USP12: variants seen among roughly 807,000 people sequenced by gnomAD.
USP12 encodes the protein ubiquitin carboxyl-terminal hydrolase 12.
USP12 carries 19 observed loss-of-function variants against 45.5 expected under a neutral mutation model. The ratio of observed to expected loss-of-function variants is 0.42; its 90% confidence interval spans 0.29 to 0.61. The LOEUF (loss-of-function observed/expected upper bound fraction) is 0.61. Ranked by LOEUF, USP12 falls within the 20% of genes least tolerant of loss-of-function variation. USP12 has a pLI of 0.22. For synonymous variants in USP12, 149 were observed against 148.8 expected (o/e 1.00, Z -0.01); for missense variants, 242 against 447.7 (o/e 0.54, Z 4.15).
intron 1 of USP12, among the ~76,000 whole-genome samples, chr13:27,139,697 C>T (rs1876971095): frequency 6.6e-6 from 1 of 152,168 alleles, no homozygotes; most frequent in Non-Finnish European, 1.5e-5. Context: ...ACATGCAAGT[C>T]CCACCCTAAA....
At chr13:27,071,209 C>A in intron 7 of USP12, 60 bp from the exon 8 acceptor site, 1 of 1,441,356 alleles carries the variant, frequency 6.9e-7, no homozygotes, top group South Asian at 1.4e-5. Flanking sequence ...CTTTCATGCT[C>A]TAAATTTTGT....
chr13:27,094,328 ACT>A (rs753958923), intron 4 of USP12, among the ~76,000 whole-genome samples: 2 of 152,058 alleles, frequency 1.3e-5, no homozygotes, highest in Non-Finnish European at 2.9e-5. Context: ...ACACAGCAAG[ACT>A]CTGTCTCAAA....
intron 6 of USP12, among the ~76,000 whole-genome samples, chr13:27,089,007 A>ACAACTC (rs151131851): frequency 0.047 from 7,120 of 152,272 alleles, 186 homozygotes; most frequent in Admixed American, 0.076. Flanking sequence ...GGAAAACGAG[A>ACAACTC]CAAACTCCAA....
intron 6 of USP12, among the ~76,000 whole-genome samples, chr13:27,084,169 TACACACAC>T (rs374948699): frequency 0.088 from 12,581 of 142,380 alleles, 609 homozygotes; most frequent in African/African-American, 0.097. Flanking sequence ...CATGTTTGCA[TACACACAC>T]ACACACACAC....
At chr13:27,076,029 C>CAAAAAAAAAAAAAAAAAAA (rs11458818) in intron 6 of USP12, among the ~76,000 whole-genome samples, 188 of 97,780 alleles carry the variant, frequency 1.9e-3, no homozygotes, top group Non-Finnish European at 2.5e-3. Flanking sequence ...GGCTCCGTCT[C>CAAAAAAAAAAAAAAAAAAA]AAAAAAAAAA....
chr13:27,104,510 T>TA (rs941426352), intron 3 of USP12, among the ~76,000 whole-genome samples: 2 of 152,152 alleles, frequency 1.3e-5, no homozygotes, highest in African/African-American at 2.4e-5. Context: ...TTTGATTTTC[T>TA]AAAAAAACAA....
chr13:27,094,390 A>G (rs1350381753), intron 4 of USP12, among the ~76,000 whole-genome samples: 1 of 152,062 alleles, frequency 6.6e-6, no homozygotes, highest in African/African-American at 2.4e-5. Context: ...AGTCCTAGTT[A>G]CTCAGAAGGC....
At chr13:27,088,243 C>T (rs1466363534) in intron 6 of USP12, among the ~76,000 whole-genome samples, 5 of 151,976 alleles carry the variant, frequency 3.3e-5, no homozygotes, top group African/African-American at 4.8e-5. Context: ...AGTGAAACCC[C>T]GTCTCTACTA....
intron 1 of USP12, among the ~76,000 whole-genome samples, chr13:27,157,520 T>C (rs1877895208): frequency 6.6e-6 from 1 of 152,144 alleles, no homozygotes; most frequent in Non-Finnish European, 1.5e-5. Flanking sequence ...TAACAACATA[T>C]ACATGCCTTT....
intron 2 of USP12, among the ~76,000 whole-genome samples, chr13:27,115,767 T>C (rs1322897694): frequency 1.3e-5 from 2 of 152,216 alleles, no homozygotes; most frequent in Non-Finnish European, 2.9e-5. Context: ...TTCACACTTT[T>C]ATATCTCTAG....
chr13:27,120,198 T>C (rs1416808543), intron 1 of USP12, among the ~76,000 whole-genome samples: 1 of 152,200 alleles, frequency 6.6e-6, no homozygotes, highest in Admixed American at 6.5e-5. Flanking sequence ...AATGGTCACA[T>C]AATCACCCAA....
intron 1 of USP12, among the ~76,000 whole-genome samples, chr13:27,161,298 T>C (rs746345738): frequency 4.1e-4 from 63 of 152,222 alleles, no homozygotes; most frequent in Admixed American, 2.2e-3. Flanking sequence ...GATAATCACA[T>C]ACAAAGCAGA....
intron 6 of USP12, among the ~76,000 whole-genome samples, chr13:27,079,444 C>T (rs1004604350): frequency 1.3e-5 from 2 of 152,100 alleles, no homozygotes; most frequent in Non-Finnish European, 2.9e-5. Context: ...CTCCCTTCTC[C>T]AGTAGCCCAA....
At chr13:27,169,461 A>G (rs1265763038) in intron 1 of USP12, among the ~76,000 whole-genome samples, 1 of 152,176 alleles carries the variant, frequency 6.6e-6, no homozygotes, top group East Asian at 1.9e-4. Flanking sequence ...AAGACTGCAA[A>G]TTACTTTGAG....
chr13:27,093,342 T>G (rs1238911189), intron 4 of USP12, among the ~76,000 whole-genome samples: 2 of 147,080 alleles, frequency 1.4e-5, no homozygotes, highest in Non-Finnish European at 3.0e-5. Flanking sequence ...TCGACAATAC[T>G]CAAAGAAAAA....
At chr13:27,070,510 T>C (rs562278535) in intron 8 of USP12, among the ~76,000 whole-genome samples, 4 of 152,244 alleles carry the variant, frequency 2.6e-5, no homozygotes, top group African/African-American at 9.6e-5. Flanking sequence ...CTTAATTTTT[T>C]TTTTTTAAAG....
In USP12 at chr13:27,097,398, G is replaced by C. The variant is rs3002289; in HGVS notation, c.344-1568C>G. Among the ~76,000 whole-genome samples the C allele has an allele frequency of 7.9e-3, 1,205 of 152,326 alleles. 18 individuals are homozygous for C. Among genetic ancestry groups the C allele is most frequent in the African/African-American group, 0.028 (1,164 of 41,572 alleles). On this transcript the variant is annotated intron_variant, in intron 3 of 8. Transcript: ENST00000282344. ...AAGAATCGCTTGAACCCGGGAGGTA[G>C]AGGTTGCAGTGAGCCGAGATTGCGC...
intron 2 of USP12, among the ~76,000 whole-genome samples, chr13:27,111,296 GACCTAAA>G (rs921530210): frequency 1.3e-5 from 2 of 152,060 alleles, no homozygotes; most frequent in African/African-American, 4.8e-5. Context: ...AAGGTCCTAA[GACCTAAA>G]AATTATCTTT....
intron 1 of USP12, among the ~76,000 whole-genome samples, chr13:27,127,087 C>G (rs1342322688): frequency 6.6e-6 from 1 of 152,196 alleles, no homozygotes; most frequent in Admixed American, 6.5e-5. Flanking sequence ...TCTATACTTC[C>G]TCCTCTAGTG....
Sources: allele counts gnomAD v4.1 joint callset (sites outside exome capture counted in the v4.1 genomes callset), GRCh38; gene constraint gnomAD v4.1.1; transcripts MANE v1.5; gene names NCBI Gene and HGNC (gene_info 2026-07-23, HGNC 2026-07-21).